WWOX: variants seen among roughly 807,000 people sequenced by gnomAD.
WWOX encodes WW domain containing oxidoreductase, also known as WW domain-containing oxidoreductase.
WWOX carries 69 observed loss-of-function variants against 46.2 expected under a neutral mutation model. The observed-to-expected ratio is 1.49, with a 90% confidence interval of 1.23 to 1.82. The LOEUF is 1.82. Ranked by LOEUF, WWOX falls within the 40% of genes most tolerant of loss-of-function variation. The probability of loss-of-function intolerance (pLI) is 0.00; values close to 1 mark genes in which losing one functional copy is unlikely to be tolerated. For missense variants in WWOX, 919 were observed against 542.6 expected (o/e 1.69, Z -6.89); for synonymous variants, 359 against 202.6 (o/e 1.77, Z -6.56).
At chr16:78,603,744 T>C (rs565031348) in intron 8 of WWOX, among the ~76,000 whole-genome samples, 1 of 152,030 alleles carries the variant, frequency 6.6e-6, no homozygotes, top group African/African-American at 2.4e-5. Context: ...TGTAATGAAA[T>C]TGAAAGAGAA....
chr16:78,532,494 G>C (rs560091032), intron 8 of WWOX, among the ~76,000 whole-genome samples: 3 of 152,184 alleles, frequency 2.0e-5, no homozygotes, highest in Non-Finnish European at 2.9e-5. Context: ...TAGCTAGGGT[G>C]TTGATAAGAA....
intron 8 of WWOX, among the ~76,000 whole-genome samples, chr16:78,699,481 G>A (rs1039450878): frequency 1.3e-5 from 2 of 152,196 alleles, no homozygotes; most frequent in Admixed American, 6.5e-5. Context: ...AGAGGTTGCA[G>A]TGAGCTGAGA....
At chr16:78,526,555 C>T (rs763098055) in intron 8 of WWOX, 1 of 152,172 alleles carries the variant, frequency 6.6e-6, no homozygotes, top group Non-Finnish European at 1.5e-5. Context: ...ACACCTGAAT[C>T]TAGGGCAAAC....
chr16:78,739,056 A>G (rs16948408), intron 8 of WWOX, among the ~76,000 whole-genome samples: 22,905 of 152,102 alleles, frequency 0.15, 2,138 homozygotes, highest in African/African-American at 0.25. Flanking sequence ...CTCTGCCACC[A>G]GAATAAAGGA....
chr16:78,547,134 A>AC (rs2044054203), intron 8 of WWOX, among the ~76,000 whole-genome samples: 1 of 36,220 alleles, frequency 2.8e-5, no homozygotes, highest in Non-Finnish European at 9.7e-5. Flanking sequence ...TCAGAAAAAA[A>AC]AAAAAAAAAA....
At chr16:78,325,101 A>AGT (rs1296989202) in intron 5 of WWOX, among the ~76,000 whole-genome samples, 1 of 152,128 alleles carries the variant, frequency 6.6e-6, no homozygotes, top group Non-Finnish European at 1.5e-5. Context: ...ACAGCCTGGG[A>AGT]GTGTTGGTCC....
chr16:78,660,516 A>G (rs910821315), intron 8 of WWOX, among the ~76,000 whole-genome samples: 3 of 152,088 alleles, frequency 2.0e-5, no homozygotes, highest in Admixed American at 6.6e-5. Flanking sequence ...TCTTTTTTTC[A>G]GAGAATTCAC....
chr16:78,749,128 C>G (rs1353203254), intron 8 of WWOX, among the ~76,000 whole-genome samples: 3 of 152,162 alleles, frequency 2.0e-5, no homozygotes, highest in East Asian at 3.9e-4. Flanking sequence ...TGGCATAGTC[C>G]TCCATGACCA....
chr16:78,657,149 C>A (rs2047099745), intron 8 of WWOX, among the ~76,000 whole-genome samples: 2 of 152,276 alleles, frequency 1.3e-5, no homozygotes, highest in South Asian at 4.1e-4. Context: ...TCACCACCAC[C>A]CAATGTGTCC....
chr16:79,166,574 A>G (rs555745504), intron 8 of WWOX, among the ~76,000 whole-genome samples: 5 of 152,160 alleles, frequency 3.3e-5, no homozygotes, highest in Non-Finnish European at 7.3e-5. Context: ...TAACAATTGA[A>G]TTGACTATGT....
chr16:78,190,469 G>A (rs551100221), intron 5 of WWOX, among the ~76,000 whole-genome samples: 4 of 152,178 alleles, frequency 2.6e-5, no homozygotes, highest in Non-Finnish European at 5.9e-5. Flanking sequence ...AGTATACCTA[G>A]TGACTCTCTG....
chr16:78,585,692 T>G (rs1380961250), intron 8 of WWOX, among the ~76,000 whole-genome samples: 1 of 151,292 alleles, frequency 6.6e-6, no homozygotes, highest in South Asian at 2.1e-4. Flanking sequence ...TTTTTGTTTT[T>G]TTTTGTTTTT....
chr16:78,411,486 G>A (rs962193020), intron 6 of WWOX, among the ~76,000 whole-genome samples: 6 of 152,130 alleles, frequency 3.9e-5, no homozygotes, highest in Non-Finnish European at 2.9e-5. Flanking sequence ...AGTGAGGGGC[G>A]TACTCATCCA....
intron 8 of WWOX, among the ~76,000 whole-genome samples, chr16:78,816,138 G>C (rs972802788): frequency 2.0e-5 from 3 of 152,142 alleles, no homozygotes; most frequent in Non-Finnish European, 4.4e-5. Context: ...GCAGAATCCA[G>C]TATCTGTTGT....
chr16:78,528,114 T>G (rs1375271140), intron 8 of WWOX, among the ~76,000 whole-genome samples: 6 of 145,006 alleles, frequency 4.1e-5, no homozygotes, highest in African/African-American at 1.6e-4. Context: ...TTCTCCTGCC[T>G]CAGCCTCCCG....
At chr16:79,192,882 C>T (rs764033226) in intron 8 of WWOX, among the ~76,000 whole-genome samples, 11 of 152,194 alleles carry the variant, frequency 7.2e-5, no homozygotes, top group Non-Finnish European at 1.3e-4. Context: ...CCTCACAGGG[C>T]CGCAGGACTG....
chr16:78,519,911 G>C (rs1465630709), intron 8 of WWOX, among the ~76,000 whole-genome samples: 1 of 152,146 alleles, frequency 6.6e-6, no homozygotes. Context: ...AGCGTGAATG[G>C]ACTAAAGGTT....
At chr16:78,834,805 A>G (rs1597694740) in intron 8 of WWOX, among the ~76,000 whole-genome samples, 3 of 152,318 alleles carry the variant, frequency 2.0e-5, no homozygotes, top group Middle Eastern at 6.8e-3. Context: ...ACCCAGAACC[A>G]AAAAAATTAT....
chr16:78,485,314 T>C (rs970464463), intron 8 of WWOX, among the ~76,000 whole-genome samples: 3 of 152,058 alleles, frequency 2.0e-5, no homozygotes, highest in Admixed American at 2.0e-4. Context: ...TTTTGGGTGG[T>C]TGATGTTCGA....
Sources: allele counts gnomAD v4.1 joint callset (sites outside exome capture counted in the v4.1 genomes callset), GRCh38; gene constraint gnomAD v4.1.1; transcripts MANE v1.5; gene names NCBI Gene and HGNC (gene_info 2026-07-23, HGNC 2026-07-21).